NCAPG2: variants seen among roughly 807,000 people sequenced by gnomAD.
The protein encoded by NCAPG2 is non-SMC condensin II complex subunit G2, also known as condensin-2 complex subunit G2.
In NCAPG2, 53 loss-of-function variants were observed where a neutral mutation model predicts 141.1. The ratio of observed to expected loss-of-function variants is 0.38; its 90% confidence interval spans 0.30 to 0.47. The LOEUF (loss-of-function observed/expected upper bound fraction) is 0.47. NCAPG2 is among the 20% of genes least tolerant of loss of function. The pLI, the probability that NCAPG2 is intolerant of heterozygous loss-of-function variation, is 0.99. For synonymous variants in NCAPG2, 499 were observed against 490.7 expected, an observed-to-expected ratio of 1.02 and a Z score of -0.22; for missense variants, 1,087 against 1,389.0, an observed-to-expected ratio of 0.78 and a Z score of 3.46.
At chr7:158,659,638 T>C (rs1832318644) in intron 16 of NCAPG2, among the ~76,000 whole-genome samples, 1 of 152,116 alleles carries the variant, frequency 6.6e-6, no homozygotes, top group Non-Finnish European at 1.5e-5. Context: ...GAACACTCAA[T>C]AAGAGATATT....
At chr7:158,684,614 G>T (rs892719461) in intron 8 of NCAPG2, among the ~76,000 whole-genome samples, 3 of 152,212 alleles carry the variant, frequency 2.0e-5, no homozygotes, top group African/African-American at 4.8e-5. Flanking sequence ...TCTGGAATTT[G>T]CCTGAAAAAC....
At position 158,640,787 on chromosome 7, in the gene NCAPG2, G is replaced by A. The variant is rs989628454; in HGVS notation, c.3380+3502C>T. 26 of 152,220 alleles carry A rather than the reference G, an allele frequency of 1.7e-4. No individual in the cohort carries two copies. The East Asian group carries it at 5.0e-3, about 29-fold the overall frequency. 9.4% of individuals were successfully genotyped at this position (152,220 alleles called of 1,614,324 possible). ...AAACAAAGGAGAAGCATCAAAGAAG[G>A]AGTAAGTGAAGGTAAATAAAAACTT... On this transcript the variant is annotated intron_variant, in intron 27 of 27. Coordinates refer to ENST00000356309, the MANE Select transcript of NCAPG2 (RefSeq NM_017760.7).
chr7:158,675,412 T>C, intron 12 of NCAPG2, 65 bp downstream of exon 12: 1 of 1,377,668 alleles, frequency 7.3e-7, no homozygotes, highest in Non-Finnish European at 9.7e-7. Context: ...AATCTTTTTC[T>C]TTTCCTGTTT....
In NCAPG2 at chr7:158,654,586, T is replaced by A. The variant is rs765471206; in HGVS notation, c.2746+9A>T. ...AGTATTTATTGCTCTAAAACAGCCC[T>A]GACTGTACCTGTTTGCATGATTCCA... On this transcript the variant is annotated intron_variant, in intron 22 of 27. Coordinates refer to ENST00000356309, the MANE Select transcript of NCAPG2 (RefSeq NM_017760.7). The A allele has an allele frequency of 3.1e-6, 5 of 1,613,116 alleles. No individual in the cohort carries two copies. The highest frequency in any genetic ancestry group is 4.2e-6 in the Non-Finnish European group (5 of 1,179,538).
chr7:158,656,615 C>G lies in NCAPG2; in HGVS notation c.2151G>C (p.Gly717=). The G allele has an allele frequency of 6.2e-7, 1 of 1,614,110 alleles. No individual in the cohort carries two copies. The highest frequency in any genetic ancestry group is 8.5e-7 in the Non-Finnish European group (1 of 1,180,032). The change falls in exon 18 of 28, where the codon GGG becomes GGC. Residue 717 remains glycine, a synonymous_variant. Transcript: ENST00000356309. Reference sequence around the variant, plus strand: ...CAAGCTCCAGAATGTGCCCCACCTGCCCCCAGGAGCAGAGGCAATCCAACA... The same window carrying G: ...CAAGCTCCAGAATGTGCCCCACCTGGCCCCAGGAGCAGAGGCAATCCAACA... The part of the protein sequence containing the change: ...CTLLDCLCSW[G]QVGHILELVD...
chr7:158,675,779 G>T (rs1015740052), intron 11 of NCAPG2, 123 bp from the exon 12 acceptor site: 1 of 949,870 alleles, frequency 1.1e-6, no homozygotes, highest in African/African-American at 1.7e-5. Context: ...AGAAATACTG[G>T]ACACATATGG....
chr7:158,704,698 T>A (rs1230674468), intron 1 of NCAPG2, 26 bp downstream of exon 1: 3 of 152,094 alleles, frequency 2.0e-5, no homozygotes, highest in African/African-American at 7.3e-5. Context: ...CTGAACCCAA[T>A]CCCGGCTCGG....
intron 27 of NCAPG2, among the ~76,000 whole-genome samples, chr7:158,637,335 G>A (rs1266641205): frequency 6.6e-6 from 1 of 152,074 alleles, no homozygotes; most frequent in Non-Finnish European, 1.5e-5. Flanking sequence ...TCACTCAGTC[G>A]CTAGGAGCCC....
At chr7:158,663,170 C>A (rs149039765) in intron 15 of NCAPG2, among the ~76,000 whole-genome samples, 1 of 152,190 alleles carries the variant, frequency 6.6e-6, no homozygotes, top group South Asian at 2.1e-4. Context: ...TCCCTGCTGT[C>A]GAGGCCTGTC....
chr7:158,680,920 C>T, intron 9 of NCAPG2, 104 bp from the exon 10 acceptor site: 1 of 775,826 alleles, frequency 1.3e-6, no homozygotes, highest in Non-Finnish European at 2.0e-6. Flanking sequence ...CTCTCCACCA[C>T]AAGTAGGCTC....
At chr7:158,642,470 T>C (rs1039275523) in intron 27 of NCAPG2, among the ~76,000 whole-genome samples, 1 of 151,650 alleles carries the variant, frequency 6.6e-6, no homozygotes, top group African/African-American at 2.4e-5. Flanking sequence ...CCTGGGAGGT[T>C]AAAGCTGTGA....
chr7:158,633,192 G>A lies in NCAPG2; in HGVS notation c.3381-1475C>T, dbSNP rs763040686. ...GCTTCTCCTTGCTGTTAGGTCTCTCGGGCCTTTTCCCCCAAGTCTATCCCC... is the reference window on the plus strand; with the variant it reads ...GCTTCTCCTTGCTGTTAGGTCTCTCAGGCCTTTTCCCCCAAGTCTATCCCC... On this transcript the variant is annotated intron_variant, in intron 27 of 27. Transcript: ENST00000356309. The surrounding 1 kb of genome is among the most constrained non-coding windows in gnomAD (Gnocchi z 4.1). Among the ~76,000 whole-genome samples, 9 of 151,984 alleles carry A rather than the reference G, an allele frequency of 5.9e-5. No homozygotes were observed. Among genetic ancestry groups the A allele is most frequent in the Non-Finnish European group, 1.2e-4 (8 of 68,002 alleles).
intron 13 of NCAPG2, chr7:158,665,480 C>G (rs901768085): frequency 6.6e-6 from 1 of 152,242 alleles, no homozygotes; most frequent in Non-Finnish European, 1.5e-5. Flanking sequence ...AGCCCTGCCT[C>G]GGGCTCCTCA....
In NCAPG2 at chr7:158,631,563, C is replaced by T; in HGVS notation, c.*103G>A. On this transcript the variant is annotated 3_prime_UTR_variant, in exon 28 of 28. Transcript: ENST00000356309. ...CCCACAAAAAAATCCCACCCTTTCCCTATTATATGGGTTATTAACATTAAA... is the reference window on the plus strand; with the variant it reads ...CCCACAAAAAAATCCCACCCTTTCCTTATTATATGGGTTATTAACATTAAA... 9.0e-7 allele frequency: 1 copy of T among 1,111,528 alleles called. No individual in the cohort carries two copies. The highest frequency in any genetic ancestry group is 1.3e-6 in the Non-Finnish European group (1 of 741,168). 68.9% of individuals were successfully genotyped at this position (1,111,528 alleles called of 1,614,324 possible).
At chr7:158,674,381 C>T (rs931644657) in intron 12 of NCAPG2, among the ~76,000 whole-genome samples, 5 of 151,828 alleles carry the variant, frequency 3.3e-5, no homozygotes, top group African/African-American at 4.8e-5. Context: ...CTGCTTCCCA[C>T]GCTCAAGCCA....
intron 11 of NCAPG2, among the ~76,000 whole-genome samples, chr7:158,677,422 C>G (rs1310788111): frequency 2.0e-5 from 3 of 151,410 alleles, no homozygotes; most frequent in Non-Finnish European, 4.4e-5. Context: ...CACCTGCTAA[C>G]TACCTTACCA....
At chr7:158,671,171 G>A (rs1427745109) in intron 13 of NCAPG2, among the ~76,000 whole-genome samples, 2 of 145,012 alleles carry the variant, frequency 1.4e-5, no homozygotes, top group Admixed American at 7.0e-5. Context: ...TGGGGCAGGG[G>A]GGTGGGGGTG....
chr7:158,679,071 G>T (rs915775279), intron 11 of NCAPG2, among the ~76,000 whole-genome samples: 1 of 152,158 alleles, frequency 6.6e-6, no homozygotes, highest in Admixed American at 6.5e-5. Flanking sequence ...GCCCAGACTG[G>T]TCTCAAATTC....
chr7:158,664,563 T>A lies in NCAPG2; in HGVS notation c.1667A>T (p.Gln556Leu). 3 of 1,614,188 alleles carry A rather than the reference T, an allele frequency of 1.9e-6. No homozygotes were observed. Among genetic ancestry groups the A allele is most frequent in the Non-Finnish European group, 2.5e-6 (3 of 1,180,030 alleles). The change falls in exon 14 of 28, where the codon CAG becomes CTG. Residue 556 changes from glutamine (Q) to leucine (L), a missense_variant. By Grantham distance (113) the Gln-to-Leu change is moderately radical (BLOSUM62 -2). Coordinates refer to ENST00000356309, the MANE Select transcript of NCAPG2 (RefSeq NM_017760.7). ...GCAGGCGGTGTGTTCGTGGGCGTAC[T>A]GATAGAACCTCCTGGCAGCGGCGTG... ...MNHAAARRFY[Q>L]YAHEHTACTN...
Sources: gnomAD v4.1 joint callset for allele counts (sites outside exome capture counted in the v4.1 genomes callset) on GRCh38, gnomAD v4.1.1 for gene constraint, Gnocchi (gnomAD v3.1) non-coding constraint, MANE v1.5 for transcripts, NCBI Gene and HGNC (gene_info 2026-07-23, HGNC 2026-07-21) for gene names.